Variants in TBC1D9 observed in about 807,000 individuals in gnomAD.
TBC1D9 encodes the protein TBC1 domain family member 9A.
In TBC1D9, 63 loss-of-function variants were observed where a neutral mutation model predicts 132.0. The ratio of observed to expected loss-of-function variants is 0.48; its 90% confidence interval spans 0.39 to 0.59. TBC1D9 has a LOEUF of 0.59. TBC1D9 is among the 20% of genes least tolerant of loss of function. TBC1D9 has a pLI of 0.00. For missense variants in TBC1D9, 1,261 were observed against 1,592.7 expected, an observed-to-expected ratio of 0.79 and a Z score of 3.54; for synonymous variants, 610 against 609.9, an observed-to-expected ratio of 1.00 and a Z score of 0.00.
At chr4:140,642,846 G>A (rs78142961) in intron 13 of TBC1D9, 7,987 of 576,848 alleles carry the variant, frequency 0.014, 89 homozygotes, top group Non-Finnish European at 0.018. Context: ...GCTCTCGGGG[G>A]CGTGGGTCTG....
chr4:140,681,262 G>A (rs533008284), intron 3 of TBC1D9, among the ~76,000 whole-genome samples: 11 of 152,200 alleles, frequency 7.2e-5, no homozygotes, highest in African/African-American at 9.6e-5. Context: ...GTTCTGTTTC[G>A]TGAATCCTAC....
At position 140,755,923 on chromosome 4, in the gene TBC1D9, T is replaced by TCCG. The variant is rs769063182; in HGVS notation, c.120_122dup (p.Gly41dup). ...ATCGGCCACGGTCCTTACCCGCCAG[T>TCCG]CCGCCGCCGCCGCCTCCATCGCCGG... On this transcript the variant is annotated inframe_insertion, in exon 1 of 21. Transcript: ENST00000442267. The TCCG allele has an allele frequency of 6.4e-6, 10 of 1,566,794 alleles. No homozygotes were observed. The highest frequency in any genetic ancestry group is 3.7e-5 in the Admixed American group (2 of 54,108).
rs1019335107 is a variant in TBC1D9 at position 140,678,138 on chromosome 4, C to T, written c.851+804G>A. Among the ~76,000 whole-genome samples the T allele has an allele frequency of 2.0e-5, 3 of 152,204 alleles. No individual in the cohort carries two copies. The East Asian group carries it at 5.8e-4, about 29-fold the overall frequency. On this transcript the variant is annotated intron_variant, in intron 5 of 20. Coordinates refer to ENST00000442267, the MANE Select transcript of TBC1D9 (RefSeq NM_015130.3). ...ATTTGATCCGCTGCAGTAGCAGCAT[C>T]TATCTTACACTGCTCTTTTGAACAT...
At chr4:140,655,546 G>A (rs1354797216) in intron 13 of TBC1D9, among the ~76,000 whole-genome samples, 1 of 152,128 alleles carries the variant, frequency 6.6e-6, no homozygotes, top group Non-Finnish European at 1.5e-5. Flanking sequence ...GGCTTTCTCA[G>A]TGATCATTTC....
intron 18 of TBC1D9, 24 bp from the exon 19 acceptor site, chr4:140,624,412 A>T (rs1267617710): frequency 1.3e-6 from 2 of 1,599,850 alleles, no homozygotes; most frequent in Middle Eastern, 1.7e-4. Flanking sequence ...GTTCAGAAGA[A>T]AAAAGTAGAA....
intron 1 of TBC1D9, among the ~76,000 whole-genome samples, chr4:140,753,152 C>G (rs1234848158): frequency 1.3e-5 from 2 of 152,202 alleles, no homozygotes; most frequent in East Asian, 3.9e-4. Flanking sequence ...CATCATGTTC[C>G]TCTTCTTATG....
At chr4:140,676,259 C>T (rs12642844) in intron 6 of TBC1D9, among the ~76,000 whole-genome samples, 100,861 of 152,156 alleles carry the variant, frequency 0.66, 33,522 homozygotes, top group Non-Finnish European at 0.67. Context: ...CAGCACATCG[C>T]GTGGCATGCC....
intron 2 of TBC1D9, among the ~76,000 whole-genome samples, chr4:140,691,663 C>A (rs921900679): frequency 6.6e-6 from 1 of 152,212 alleles, no homozygotes; most frequent in Admixed American, 6.5e-5. Context: ...AGTTAAAGCA[C>A]TCTGCTGTGG....
At position 140,670,836 on chromosome 4, in the gene TBC1D9, T is replaced by C. The variant is rs1194270588; in HGVS notation, c.1150A>G (p.Asn384Asp). The C allele has an allele frequency of 6.2e-7, 1 of 1,614,020 alleles. No individual in the cohort carries two copies. Among genetic ancestry groups the C allele is most frequent in the Non-Finnish European group, 8.5e-7 (1 of 1,179,884 alleles). ...TRNRMTFLFA[N>D]LKDRDFLVQR... is the part of the protein sequence containing the mutation. ...ACTAGAAAGTCTCTATCTTTCAAGT[T>C]GGCAAATAGGAAGGTCATCCTGTTT... is the stretch of plus-strand genomic sequence containing the variant. Residue 384 changes from asparagine (N) to aspartate (D), a missense_variant, in exon 7 of 21, where the codon AAC becomes GAC. Physicochemically the swap from Asn to Asp is conservative, Grantham distance 23. This residue lies in a region of TBC1D9 where 550 missense variants were observed against 699.0 expected (regional missense o/e 0.79). Transcript: ENST00000442267.
intron 13 of TBC1D9, chr4:140,642,875 C>T: frequency 1.7e-6 from 1 of 576,508 alleles, no homozygotes. Flanking sequence ...GCCTGCGTGC[C>T]AAGCTTCCAT....
At position 140,657,588 on chromosome 4, in the gene TBC1D9, C is replaced by A; in HGVS notation, c.2146G>T (p.Ala716Ser). 1 of 1,613,998 alleles carries A rather than the reference C, an allele frequency of 6.2e-7. No individual in the cohort carries two copies. The highest frequency in any genetic ancestry group is 1.3e-5 in the African/African-American group (1 of 75,034). ...CAGTTCAACAGTTTGTCCACATTTGCATCCAGCACAGCTAGGGCCAACTGG... is the reference window on the plus strand; with the variant it reads ...CAGTTCAACAGTTTGTCCACATTTGAATCCAGCACAGCTAGGGCCAACTGG... Reference protein sequence around the residue: ...IFQLALAVLDANVDKLLNCKD... With the variant: ...IFQLALAVLDSNVDKLLNCKD... The change falls in exon 12 of 21, where the codon GCA becomes TCA. Residue 716 changes from alanine (A) to serine (S), a missense_variant. Physicochemically the swap from Ala to Ser is moderately conservative, Grantham distance 99. Around this residue, in one of 3 missense-constraint regions of TBC1D9, gnomAD observed 618 missense variants for 724.4 expected, o/e 0.85. Transcript: ENST00000442267.
intron 2 of TBC1D9, among the ~76,000 whole-genome samples, chr4:140,690,661 C>T (rs902592652): frequency 6.6e-6 from 1 of 152,022 alleles, no homozygotes; most frequent in Admixed American, 6.6e-5. Context: ...GGGGCTGCTT[C>T]GGTACTGCCA....
Position 140,621,942 on chromosome 4 carries a change from T to C in TBC1D9, c.*253A>G. The C allele has an allele frequency of 4.9e-6, 2 of 409,330 alleles. No individual in the cohort carries two copies. Among genetic ancestry groups the C allele is most frequent in the Non-Finnish European group, 8.3e-6 (2 of 239,950 alleles). The allele number at this position is 409,330 out of a possible 1,614,324, so 25.4% of individuals were successfully genotyped here. On this transcript the variant is annotated 3_prime_UTR_variant, in exon 21 of 21. Coordinates refer to ENST00000442267, the MANE Select transcript of TBC1D9 (RefSeq NM_015130.3). Reference sequence around the variant, plus strand: ...TATCACTGACAGATTCATCTTTTTGTTTTTTAGAATTCACGAAATAAACTG... The same window carrying C: ...TATCACTGACAGATTCATCTTTTTGCTTTTTAGAATTCACGAAATAAACTG...
chr4:140,756,078 G>A lies in TBC1D9; in HGVS notation c.-33C>T. On this transcript the variant is annotated 5_prime_UTR_variant, in exon 1 of 21. Transcript: ENST00000442267. This position sits in a 1 kb window ranked among gnomAD's most constrained non-coding sequence, Gnocchi z 5.6. ...GCTGCCGCGGGCGGGCGCACAATGG[G>A]CCCGTGGGTCCAGTCCTGCACCCAC... 1.9e-6 allele frequency: 3 copies of A among 1,591,072 alleles called. No homozygotes were observed. The highest frequency in any genetic ancestry group is 2.6e-6 in the Non-Finnish European group (3 of 1,166,994).
At position 140,624,146 on chromosome 4, in the gene TBC1D9, C is replaced by T; in HGVS notation, c.3048G>A (p.Lys1016=). The part of the protein sequence containing the change: ...LWTPENKSKS[K]NAKDLPKLNQ... ...TTAATTTGGGTAAATCCTTTGCATT[C>T]TTTGACTTAGATTTATTTTCTGGAG... Residue 1016 remains lysine, a synonymous_variant, in exon 20 of 21, where the codon AAG becomes AAA. Transcript: ENST00000442267. The T allele has an allele frequency of 6.2e-7, 1 of 1,610,458 alleles. No individual in the cohort carries two copies. Among genetic ancestry groups the T allele is most frequent in the Non-Finnish European group, 8.5e-7 (1 of 1,177,974 alleles).
At chr4:140,746,451 T>C (rs1200229183) in intron 1 of TBC1D9, among the ~76,000 whole-genome samples, 1 of 152,102 alleles carries the variant, frequency 6.6e-6, no homozygotes, top group Non-Finnish European at 1.5e-5. Context: ...TGGGGGGTGG[T>C]TATAAGAGGA....
chr4:140,699,610 C>T (rs371466444), intron 2 of TBC1D9, among the ~76,000 whole-genome samples: 1 of 152,096 alleles, frequency 6.6e-6, no homozygotes, highest in Admixed American at 6.6e-5. Flanking sequence ...CAGTATCTTT[C>T]AAAACTGTCA....
chr4:140,714,585 T>C (rs1578852935), intron 1 of TBC1D9, among the ~76,000 whole-genome samples: 1 of 152,212 alleles, frequency 6.6e-6, no homozygotes. Context: ...AGACAGCAAA[T>C]GTTTTCTCTT....
At chr4:140,650,097 A>G (rs1297110226) in intron 13 of TBC1D9, among the ~76,000 whole-genome samples, 3 of 152,260 alleles carry the variant, frequency 2.0e-5, no homozygotes, top group Non-Finnish European at 4.4e-5. Context: ...TCAATACTCC[A>G]TGTAAACTAT....
Sources: gnomAD v4.1 joint callset for allele counts (sites outside exome capture counted in the v4.1 genomes callset) on GRCh38, gnomAD v4.1.1 for gene constraint, gnomAD v4.1.1 regional missense constraint, Gnocchi (gnomAD v3.1) non-coding constraint, MANE v1.5 for transcripts, NCBI Gene and HGNC (gene_info 2026-07-23, HGNC 2026-07-21) for gene names.